SRBD1: variants seen among roughly 807,000 people sequenced by gnomAD.
SRBD1 encodes the protein S1 RNA-binding domain-containing protein 1.
SRBD1 carries 88 observed loss-of-function variants against 115.3 expected under a neutral mutation model. The observed-to-expected ratio is 0.76, with a 90% CI of 0.64 to 0.91. The LOEUF is 0.91. Ranked by LOEUF, SRBD1 falls within the 40% of genes least tolerant of loss-of-function variation. The pLI is 0.00. For synonymous variants in SRBD1, 509 were observed against 407.7 expected (o/e 1.25, Z -2.99); for missense variants, 1,385 against 1,177.4 (o/e 1.18, Z -2.58).
intron 16 of SRBD1, among the ~76,000 whole-genome samples, chr2:45,439,901 G>C (rs972551946): frequency 2.6e-5 from 4 of 152,130 alleles, no homozygotes; most frequent in African/African-American, 9.7e-5. Flanking sequence ...TGTCTCTCGG[G>C]TTTCATAGCT....
At chr2:45,418,750 AT>A (rs1264807639) in intron 17 of SRBD1, among the ~76,000 whole-genome samples, 1 of 152,174 alleles carries the variant, frequency 6.6e-6, no homozygotes, top group African/African-American at 2.4e-5. Context: ...GAATAAAAAA[AT>A]AATGACAAAA....
rs1671692791 is a variant in SRBD1, at chr2:45,534,088, A to C, written c.1874+12644T>G. 2.0e-5 allele frequency among the ~76,000 whole-genome samples: 3 copies of C among 152,054 alleles called. No homozygotes were observed. The South Asian group carries it at 6.2e-4, about 31-fold the overall frequency. On this transcript the variant is annotated intron_variant, in intron 14 of 20. Coordinates refer to ENST00000263736, the MANE Select transcript of SRBD1 (RefSeq NM_018079.5). ...GAACACAAAAACACATGGGTTACAAAACTGGTAAAACATTTTATTTTGATC... is the reference window on the plus strand; with the variant it reads ...GAACACAAAAACACATGGGTTACAACACTGGTAAAACATTTTATTTTGATC...
At chr2:45,507,010 G>A (rs149168339) in intron 14 of SRBD1, among the ~76,000 whole-genome samples, 177 of 152,148 alleles carry the variant, frequency 1.2e-3, no homozygotes, top group African/African-American at 4.1e-3. Flanking sequence ...AGAGGGTTTT[G>A]TTTTTCATTA....
chr2:45,579,729 T>G, intron 7 of SRBD1, 146 bp downstream of exon 7: 1 of 955,208 alleles, frequency 1.0e-6, no homozygotes, highest in African/African-American at 1.7e-5. Context: ...TCAATAGGTA[T>G]GTCAGGATTT....
chr2:45,583,748 T>C (rs994686768), intron 5 of SRBD1, among the ~76,000 whole-genome samples: 19 of 152,138 alleles, frequency 1.2e-4, no homozygotes, highest in African/African-American at 4.6e-4. Context: ...ATAAAGATCA[T>C]ATCTCATTAC....
chr2:45,561,551 G>C (rs1672664581), intron 10 of SRBD1, among the ~76,000 whole-genome samples: 1 of 152,152 alleles, frequency 6.6e-6, no homozygotes, highest in Non-Finnish European at 1.5e-5. Context: ...TTATCCTAAA[G>C]TTACACAGAA....
At chr2:45,579,499 A>T (rs1048264704) in intron 7 of SRBD1, among the ~76,000 whole-genome samples, 2 of 152,222 alleles carry the variant, frequency 1.3e-5, no homozygotes. Context: ...ATTATCTTAA[A>T]AGATGATTAA....
chr2:45,433,612 T>C (rs1372023311), intron 16 of SRBD1, among the ~76,000 whole-genome samples: 1 of 152,078 alleles, frequency 6.6e-6, no homozygotes, highest in African/African-American at 2.4e-5. Flanking sequence ...CTGGGAAACA[T>C]TTGAGAAAAC....
At chr2:45,525,689 A>G (rs1671418922) in intron 14 of SRBD1, among the ~76,000 whole-genome samples, 1 of 152,050 alleles carries the variant, frequency 6.6e-6, no homozygotes, top group South Asian at 2.1e-4. Flanking sequence ...CATGTTGTAC[A>G]TGATACCTAT....
chr2:45,588,803 T>C (rs1050208816), intron 4 of SRBD1, among the ~76,000 whole-genome samples: 2 of 152,242 alleles, frequency 1.3e-5, no homozygotes, highest in African/African-American at 4.8e-5. Context: ...TTTATTGTTA[T>C]GAGGATGGTG....
intron 15 of SRBD1, among the ~76,000 whole-genome samples, chr2:45,478,595 C>A (rs1669872745): frequency 6.6e-6 from 1 of 152,170 alleles, no homozygotes; most frequent in African/African-American, 2.4e-5. Context: ...GCAAGCATTG[C>A]AGGTGATAGG....
intron 19 of SRBD1, among the ~76,000 whole-genome samples, chr2:45,409,342 G>A (rs149265283): frequency 1.3e-5 from 2 of 151,712 alleles, no homozygotes; most frequent in African/African-American, 4.9e-5. Flanking sequence ...ATGAATCCCT[G>A]TGCACATATG....
chr2:45,395,443 T>C (rs1667117531), intron 19 of SRBD1, among the ~76,000 whole-genome samples: 2 of 152,144 alleles, frequency 1.3e-5, no homozygotes, highest in South Asian at 4.1e-4. Flanking sequence ...GAATTCTGCC[T>C]ATAGTGGTTG....
chr2:45,515,264 T>A (rs1671084696), intron 14 of SRBD1, among the ~76,000 whole-genome samples: 1 of 152,118 alleles, frequency 6.6e-6, no homozygotes, highest in Non-Finnish European at 1.5e-5. Flanking sequence ...TCTTTAACTA[T>A]CACAGCAAAC....
In SRBD1 at chr2:45,599,627, G is replaced by A; in HGVS notation, c.470C>T (p.Thr157Ile). ...GCATGTACCTCCCCACACAGTGCTT[G>A]TGGATGGTGTCTCTGAACTATTACT... ...GESNSSETPS[T>I]STVWGGTCKK... The change falls in exon 4 of 21, where the codon ACA becomes ATA. Residue 157 changes from threonine to isoleucine, a missense_variant. Thr to Ile is a moderately conservative substitution (Grantham distance 89). Coordinates refer to ENST00000263736, the MANE Select transcript of SRBD1 (RefSeq NM_018079.5). The A allele has an allele frequency of 6.2e-7, 1 of 1,614,224 alleles. No homozygotes were observed. The highest frequency in any genetic ancestry group is 1.1e-5 in the South Asian group (1 of 91,086).
intron 5 of SRBD1, among the ~76,000 whole-genome samples, chr2:45,583,183 T>C (rs1393971044): frequency 1.3e-5 from 2 of 149,388 alleles, no homozygotes; most frequent in Non-Finnish European, 3.0e-5. Flanking sequence ...AAATGATCGA[T>C]GGAAAAGAAA....
chr2:45,526,179 C>T (rs1306265781), intron 14 of SRBD1, among the ~76,000 whole-genome samples: 3 of 152,022 alleles, frequency 2.0e-5, no homozygotes, highest in Non-Finnish European at 4.4e-5. Context: ...TTATTCATAA[C>T]AGCCAAAGAG....
At chr2:45,509,500 G>A (rs1223665688) in intron 14 of SRBD1, among the ~76,000 whole-genome samples, 1 of 151,740 alleles carries the variant, frequency 6.6e-6, no homozygotes, top group South Asian at 2.1e-4. Flanking sequence ...GGAGGCTGAG[G>A]CAGGAGAATG....
chr2:45,458,228 G>C (rs1669210781), intron 16 of SRBD1, among the ~76,000 whole-genome samples: 1 of 152,070 alleles, frequency 6.6e-6, no homozygotes, highest in Admixed American at 6.6e-5. Flanking sequence ...ATTGAAGAGA[G>C]AAACTTTTCC....
Sources: gnomAD v4.1 joint callset for allele counts (sites outside exome capture counted in the v4.1 genomes callset) on GRCh38, gnomAD v4.1.1 for gene constraint, MANE v1.5 for transcripts, NCBI Gene and HGNC (gene_info 2026-07-23, HGNC 2026-07-21) for gene names.